ZBBX: variants seen among roughly 807,000 people sequenced by gnomAD.
The protein encoded by ZBBX is zinc finger B-box domain-containing protein 1.
Under a neutral mutation model 108.5 loss-of-function variants are expected in ZBBX, and 101 were observed. The ratio of observed to expected loss-of-function variants is 0.93; its 90% CI spans 0.79 to 1.10. The LOEUF (loss-of-function observed/expected upper bound fraction) is 1.10. Ranked by LOEUF, ZBBX falls within the 50% of genes least tolerant of loss-of-function variation. ZBBX has a pLI of 0.00. For missense variants in ZBBX, 1,009 were observed against 941.4 expected (o/e 1.07, Z -0.94); for synonymous variants, 356 against 323.4 (o/e 1.10, Z -1.08).
intron 9 of ZBBX, among the ~76,000 whole-genome samples, chr3:167,337,349 C>T (rs897352254): frequency 1.3e-5 from 2 of 152,118 alleles, no homozygotes; most frequent in Admixed American, 1.3e-4. Flanking sequence ...GAACCCCTAT[C>T]CCTACTAAAA....
At chr3:167,261,493 C>T (rs946983114) in intron 20 of ZBBX, among the ~76,000 whole-genome samples, 2 of 151,922 alleles carry the variant, frequency 1.3e-5, no homozygotes, top group African/African-American at 4.8e-5. Flanking sequence ...TGTCCTTGGG[C>T]AGGTCTTGCT....
the ZBBX span, among the ~76,000 whole-genome samples, chr3:167,180,231 C>G: frequency 3.3e-5 from 5 of 152,178 alleles, no homozygotes; most frequent in Non-Finnish European, 1.5e-5. Flanking sequence ...CTGCCTCAGC[C>G]TCCTTTGTTA....
the ZBBX span, among the ~76,000 whole-genome samples, chr3:167,203,135 G>T: frequency 6.6e-6 from 1 of 152,070 alleles, no homozygotes. Flanking sequence ...AATTTTGGAG[G>T]CTAGAAGTTC....
chr3:167,206,123 C>T, the ZBBX span, among the ~76,000 whole-genome samples: 2 of 151,728 alleles, frequency 1.3e-5, no homozygotes, highest in African/African-American at 4.8e-5. Flanking sequence ...AAATTTGTTC[C>T]CTTTGACCTA....
At chr3:167,316,035 T>C (rs1374912869) in intron 14 of ZBBX, among the ~76,000 whole-genome samples, 1 of 152,118 alleles carries the variant, frequency 6.6e-6, no homozygotes, top group Non-Finnish European at 1.5e-5. Flanking sequence ...TTTATCACTA[T>C]TATAATACCC....
At chr3:167,342,073 G>A (rs970414915) in intron 9 of ZBBX, among the ~76,000 whole-genome samples, 19 of 151,054 alleles carry the variant, frequency 1.3e-4, no homozygotes, top group African/African-American at 4.6e-4. Context: ...ACATCTTTAG[G>A]TATAGAAGAA....
intron 9 of ZBBX, 103 bp downstream of exon 9, chr3:167,350,317 C>T (rs1483535641): frequency 8.6e-6 from 7 of 809,358 alleles, no homozygotes; most frequent in Non-Finnish European, 1.3e-5. Flanking sequence ...TAGAAATTAG[C>T]GTAAATCATC....
chr3:167,378,039 G>C (rs1282353124), intron 2 of ZBBX, among the ~76,000 whole-genome samples: 1 of 152,158 alleles, frequency 6.6e-6, no homozygotes, highest in African/African-American at 2.4e-5. Context: ...CTGCCACCAT[G>C]TGAAGAAGGA....
At chr3:167,351,224 T>C (rs559694702) in intron 8 of ZBBX, among the ~76,000 whole-genome samples, 1 of 152,162 alleles carries the variant, frequency 6.6e-6, no homozygotes, top group Non-Finnish European at 1.5e-5. Context: ...AATTTTAAAA[T>C]TGTTGGACAA....
chr3:167,366,562 T>A (rs542734390), intron 5 of ZBBX, among the ~76,000 whole-genome samples: 1 of 151,790 alleles, frequency 6.6e-6, no homozygotes, highest in Non-Finnish European at 1.5e-5. Context: ...AAAATAACAA[T>A]AAGACAAAAA....
chr3:167,326,921 T>C (rs1737490834), intron 11 of ZBBX, among the ~76,000 whole-genome samples: 1 of 151,840 alleles, frequency 6.6e-6, no homozygotes. Context: ...GAAATAAAAA[T>C]AGTAAAATTG....
chr3:167,227,733 C>T, the ZBBX span, among the ~76,000 whole-genome samples: 1 of 151,712 alleles, frequency 6.6e-6, no homozygotes, highest in Non-Finnish European at 1.5e-5. Context: ...CCAAAGACCT[C>T]AAGCTAAGAA....
At chr3:167,191,912 T>TAG in the ZBBX span, among the ~76,000 whole-genome samples, 177 of 122,384 alleles carry the variant, frequency 1.4e-3, 6 homozygotes, top group African/African-American at 5.6e-3. Context: ...TATATATATA[T>TAG]ATATATATAT....
intron 16 of ZBBX, among the ~76,000 whole-genome samples, chr3:167,310,605 C>A (rs1033399011): frequency 1.6e-4 from 25 of 151,980 alleles, no homozygotes; most frequent in Non-Finnish European, 3.5e-4. Context: ...GGGGATCTGC[C>A]ACACACTTTT....
At chr3:167,241,349 T>C (rs1278916737) in intron 21 of ZBBX, among the ~76,000 whole-genome samples, 3 of 152,196 alleles carry the variant, frequency 2.0e-5, no homozygotes. Flanking sequence ...CCAGTCAAGA[T>C]ATGCTGAAGC....
At chr3:167,261,932 T>A (rs1475450022) in intron 20 of ZBBX, among the ~76,000 whole-genome samples, 2 of 152,154 alleles carry the variant, frequency 1.3e-5, no homozygotes, top group East Asian at 1.9e-4. Flanking sequence ...GATTTGCTTA[T>A]CACTGTGTAG....
intron 20 of ZBBX, among the ~76,000 whole-genome samples, chr3:167,244,374 C>T (rs903343051): frequency 2.0e-5 from 3 of 152,164 alleles, no homozygotes; most frequent in Non-Finnish European, 4.4e-5. Flanking sequence ...GGTAGAATTA[C>T]AGTACTGAAA....
intron 18 of ZBBX, among the ~76,000 whole-genome samples, chr3:167,289,804 C>G (rs1478758103): frequency 6.6e-6 from 1 of 152,180 alleles, no homozygotes; most frequent in East Asian, 1.9e-4. Context: ...GGTTCCCACC[C>G]TCATGGAGTC....
intron 1 of ZBBX, among the ~76,000 whole-genome samples, chr3:167,392,436 T>C (rs772961761): frequency 7.2e-5 from 11 of 151,998 alleles, no homozygotes; most frequent in Non-Finnish European, 1.5e-4. Context: ...TGAGTAAACA[T>C]CTAGTACCAG....
Sources: gnomAD v4.1 joint callset for allele counts (sites outside exome capture counted in the v4.1 genomes callset) on GRCh38, gnomAD v4.1.1 for gene constraint, MANE v1.5 for transcripts, NCBI Gene and HGNC (gene_info 2026-07-23, HGNC 2026-07-21) for gene names.